The following ULK4 variants were observed in gnomAD, a reference collection of about 807,000 sequenced individuals.
ULK4 encodes unc-51 like kinase 4.
ULK4 carries 133 observed loss-of-function variants against 160.6 expected under a neutral mutation model. That is an observed-to-expected ratio of 0.83 (90% CI 0.72 to 0.96). ULK4 has a LOEUF of 0.96. ULK4 is among the 40% of genes least tolerant of loss of function. The pLI, the probability that ULK4 is intolerant of heterozygous loss-of-function variation, is 0.00. For missense variants in ULK4, 1,580 were observed against 1,499.5 expected (o/e 1.05, Z -0.89); for synonymous variants, 534 against 539.8 (o/e 0.99, Z 0.15).
chr3:41,833,432 A>G (rs917721841), intron 18 of ULK4, among the ~76,000 whole-genome samples: 1 of 151,940 alleles, frequency 6.6e-6, no homozygotes, highest in Non-Finnish European at 1.5e-5. Context: ...AGTAGCTGGG[A>G]CTACCAGTGC....
chr3:41,486,972 C>T (rs910284002), intron 32 of ULK4, among the ~76,000 whole-genome samples: 1 of 152,010 alleles, frequency 6.6e-6, no homozygotes, highest in African/African-American at 2.4e-5. Flanking sequence ...CGAAACAAAT[C>T]GTTAAAATTA....
rs751444486 is a variant in ULK4 at position 41,895,540 on chromosome 3, G to A, written c.1555C>T (p.Arg519Trp). The A allele has an allele frequency of 2.7e-5, 40 of 1,507,322 alleles. No homozygotes were observed. Among genetic ancestry groups the A allele is most frequent in the South Asian group, 6.8e-5 (5 of 73,398 alleles). The allele number at this position is 1,507,322 out of a possible 1,614,324, so 93.4% of individuals were successfully genotyped here. A position where few individuals can be genotyped will look rare whatever the true frequency, so the allele number is the denominator to read the frequency against. Residue 519 changes from arginine (R) to tryptophan (W), a missense_variant, in exon 16 of 37, where the codon CGG (arginine) becomes TGG (tryptophan). Physicochemically the swap from Arg to Trp is moderately radical, Grantham distance 101. Coordinates refer to ENST00000301831, the MANE Select transcript of ULK4 (RefSeq NM_017886.4). ...PLFQLLIQHL[R>W]IAPNWDIRAK... ...TACATATCCCAGTTTGGAGCTATCC[G>A]CAAATGCTGGATTAGCAATTGGAAC...
chr3:41,271,396 T>TG (rs1171507298), intron 35 of ULK4, among the ~76,000 whole-genome samples: 1 of 150,720 alleles, frequency 6.6e-6, no homozygotes, highest in African/African-American at 2.4e-5. Context: ...AATAGTTCTT[T>TG]TTTTTTTTTT....
At chr3:41,893,539 ATCTGT>A (rs1199601282) in intron 16 of ULK4, among the ~76,000 whole-genome samples, 1 of 152,154 alleles carries the variant, frequency 6.6e-6, no homozygotes, top group Non-Finnish European at 1.5e-5. Flanking sequence ...CCTTCTATCC[ATCTGT>A]TCTAATTCTA....
intron 27 of ULK4, among the ~76,000 whole-genome samples, chr3:41,688,492 C>T (rs1311300170): frequency 1.3e-5 from 2 of 152,166 alleles, no homozygotes; most frequent in Non-Finnish European, 2.9e-5. Flanking sequence ...CCACTTTTTA[C>T]ATCACTGCTA....
chr3:41,673,155 T>C (rs1284618330), intron 29 of ULK4, among the ~76,000 whole-genome samples: 1 of 152,054 alleles, frequency 6.6e-6, no homozygotes, highest in African/African-American at 2.4e-5. Context: ...TTTTTTTTAA[T>C]TAAAAAAAAT....
chr3:41,456,927 G>C (rs1272757003), intron 33 of ULK4, among the ~76,000 whole-genome samples: 1 of 152,198 alleles, frequency 6.6e-6, no homozygotes, highest in Non-Finnish European at 1.5e-5. Context: ...TCGGACACCT[G>C]TTTTTAACAA....
chr3:41,898,540 A>T (rs369398685), intron 13 of ULK4, 48 bp from the exon 14 acceptor site: 2 of 1,196,512 alleles, frequency 1.7e-6, no homozygotes, highest in Non-Finnish European at 2.4e-6. Context: ...TTTAAGATGG[A>T]TATCTGTCTC....
chr3:41,870,964 G>A (rs1394640847), intron 17 of ULK4, among the ~76,000 whole-genome samples: 3 of 152,142 alleles, frequency 2.0e-5, no homozygotes, highest in Non-Finnish European at 4.4e-5. Context: ...ATAACAGTGA[G>A]TTCTCACAAG....
intron 2 of ULK4, among the ~76,000 whole-genome samples, chr3:41,943,242 T>G (rs565671573): frequency 9.3e-5 from 14 of 149,986 alleles, no homozygotes; most frequent in Non-Finnish European, 1.9e-4. Context: ...AGAAATATAT[T>G]ACCAAAGTTA....
At chr3:41,304,348 T>C (rs1471782289) in intron 35 of ULK4, among the ~76,000 whole-genome samples, 1 of 148,764 alleles carries the variant, frequency 6.7e-6, no homozygotes, top group African/African-American at 2.5e-5. Context: ...TGTAAAACAG[T>C]GAACAATCTG....
rs772142860 is a variant in ULK4, at chr3:41,915,990, C to T, written c.790G>A (p.Asp264Asn). The T allele has an allele frequency of 1.3e-6, 2 of 1,588,454 alleles. No individual in the cohort carries two copies. Among genetic ancestry groups the T allele is most frequent in the South Asian group, 2.4e-5 (2 of 85,004 alleles). ...INLLDGLLQR[D>N]PQKRLTWTRL... is the part of the protein sequence containing the mutation. ...TACTGTCCCTACCTTTTCTGAGGAT[C>T]TCTTTGAAGTAACCCATCAAGCAAA... Residue 264 changes from aspartate (D) to asparagine (N), a missense_variant, in exon 8 of 37, where the codon GAT (aspartate) becomes AAT (asparagine). By Grantham distance (23) the Asp-to-Asn change is conservative. Coordinates refer to ENST00000301831, the MANE Select transcript of ULK4 (RefSeq NM_017886.4).
intron 17 of ULK4, among the ~76,000 whole-genome samples, chr3:41,880,421 T>C (rs9855290): frequency 0.055 from 8,379 of 152,274 alleles, 418 homozygotes; most frequent in East Asian, 0.16. Flanking sequence ...ATGAAAGAGA[T>C]TTAAATTATA....
At chr3:41,361,729 T>C (rs1351091808) in intron 35 of ULK4, among the ~76,000 whole-genome samples, 1 of 152,216 alleles carries the variant, frequency 6.6e-6, no homozygotes, top group Admixed American at 6.5e-5. Context: ...GAGTATGAAA[T>C]ATTCATAATA....
chr3:41,424,288 G>A (rs1246413486), intron 34 of ULK4, among the ~76,000 whole-genome samples: 2 of 152,152 alleles, frequency 1.3e-5, no homozygotes, highest in Non-Finnish European at 2.9e-5. Flanking sequence ...CTGAGCCCCT[G>A]GGGGGAGGGG....
At chr3:41,569,335 C>T (rs1476701811) in intron 31 of ULK4, among the ~76,000 whole-genome samples, 1 of 152,092 alleles carries the variant, frequency 6.6e-6, no homozygotes, top group African/African-American at 2.4e-5. Context: ...TTTCAGGTGA[C>T]AAGCCACCAT....
chr3:41,898,581 C>A, intron 13 of ULK4, 89 bp from the exon 14 acceptor site: 1 of 759,244 alleles, frequency 1.3e-6, no homozygotes, highest in Non-Finnish European at 2.1e-6. Context: ...GATAATAAAT[C>A]AATGAGGACA....
In ULK4 at chr3:41,715,435, A is replaced by G. The variant is rs747992920; in HGVS notation, c.2577+12T>C. Reference sequence around the variant, plus strand: ...CAAATTTATATCCTTTTCCTCCTCAATACAATAGTACCTGTGAAGTTACGA... The same window carrying G: ...CAAATTTATATCCTTTTCCTCCTCAGTACAATAGTACCTGTGAAGTTACGA... On this transcript the variant is annotated intron_variant, in intron 24 of 36. Coordinates refer to ENST00000301831, the MANE Select transcript of ULK4 (RefSeq NM_017886.4). The G allele has an allele frequency of 1.2e-6, 2 of 1,614,120 alleles. No homozygotes were observed. Among genetic ancestry groups the G allele is most frequent in the Non-Finnish European group, 1.7e-6 (2 of 1,180,016 alleles).
intron 35 of ULK4, among the ~76,000 whole-genome samples, chr3:41,292,315 C>A (rs1360571972): frequency 6.6e-6 from 1 of 152,230 alleles, no homozygotes; most frequent in East Asian, 1.9e-4. Flanking sequence ...ACTTAATAAA[C>A]AGAGGCTCAG....
Sources: allele counts gnomAD v4.1 joint callset (sites outside exome capture counted in the v4.1 genomes callset), GRCh38; gene constraint gnomAD v4.1.1; transcripts MANE v1.5; gene names NCBI Gene and HGNC (gene_info 2026-07-23, HGNC 2026-07-21).